Variants in LAMA2 observed in about 807,000 individuals in gnomAD.
LAMA2 encodes laminin subunit alpha 2, also known as laminin subunit alpha-2.
In LAMA2, 269 loss-of-function variants were observed where a neutral mutation model predicts 364.8. That is an observed-to-expected ratio of 0.74 (90% confidence interval 0.67 to 0.82). LAMA2 has a LOEUF of 0.82. Among genes scored for constraint, LAMA2 ranks in the 40% least tolerant of loss-of-function variants. The probability of loss-of-function intolerance (pLI) is 0.00; values close to 1 mark genes in which losing one functional copy is unlikely to be tolerated. For missense variants in LAMA2, 3,807 were observed against 3,873.2 expected (o/e 0.98, Z 0.45); for synonymous variants, 1,379 against 1,370.6 (o/e 1.01, Z -0.14).
At chr6:129,441,815 C>T (rs1782128859) in intron 43 of LAMA2, among the ~76,000 whole-genome samples, 1 of 152,026 alleles carries the variant, frequency 6.6e-6, no homozygotes, top group Admixed American at 6.6e-5. Flanking sequence ...CCCATCTTTA[C>T]AAAAAATTTA....
chr6:129,452,910 C>A lies in LAMA2; in HGVS notation c.6430-78C>A, dbSNP rs1447870133. On this transcript the variant is annotated intron_variant, in intron 45 of 64. Coordinates refer to ENST00000421865, the MANE Select transcript of LAMA2 (RefSeq NM_000426.4). ...AACTTCAAAGAAGAAACGATGATGG[C>A]TTTGTGGTTGTATGGAAGCTACTTC... 4.0e-5 allele frequency: 51 copies of A among 1,262,558 alleles called. 1 individual carries two copies. The East Asian group carries it at 1.1e-3, about 28-fold the overall frequency. The allele number at this position is 1,262,558 out of a possible 1,614,324, so 78.2% of individuals were successfully genotyped here. A position where few individuals can be genotyped will look rare whatever the true frequency, so the allele number is the denominator to read the frequency against.
intron 1 of LAMA2, among the ~76,000 whole-genome samples, chr6:129,019,171 T>C (rs1216198910): frequency 1.3e-5 from 2 of 152,114 alleles, no homozygotes; most frequent in East Asian, 1.9e-4. Flanking sequence ...AAATGGCTTC[T>C]TAAGAAATAT....
chr6:129,475,959 G>A (rs1432840294), intron 53 of LAMA2, among the ~76,000 whole-genome samples: 1 of 152,144 alleles, frequency 6.6e-6, no homozygotes, highest in Admixed American at 6.5e-5. Flanking sequence ...ACTAGCTATG[G>A]TGCCAGATGA....
intron 1 of LAMA2, among the ~76,000 whole-genome samples, chr6:129,040,719 G>A (rs760400514): frequency 6.6e-6 from 1 of 152,186 alleles, no homozygotes; most frequent in Non-Finnish European, 1.5e-5. Context: ...GGCAGAAGAA[G>A]GCTACTTGTC....
At chr6:129,187,969 C>G (rs890903216) in intron 10 of LAMA2, among the ~76,000 whole-genome samples, 5 of 151,872 alleles carry the variant, frequency 3.3e-5, no homozygotes, top group African/African-American at 1.2e-4. Context: ...GTCTCTCATT[C>G]TATCTATGTC....
At chr6:129,118,963 A>T (rs1776639442) in intron 4 of LAMA2, among the ~76,000 whole-genome samples, 1 of 152,226 alleles carries the variant, frequency 6.6e-6, no homozygotes, top group South Asian at 2.1e-4. Flanking sequence ...TGTAATATTT[A>T]AAAATGCCAA....
chr6:129,117,374 A>T (rs1394064909), intron 4 of LAMA2, among the ~76,000 whole-genome samples: 1 of 152,230 alleles, frequency 6.6e-6, no homozygotes, highest in South Asian at 2.1e-4. Context: ...AACTAAGATA[A>T]TATGATTTAA....
intron 49 of LAMA2, among the ~76,000 whole-genome samples, chr6:129,463,443 G>A (rs1783368834): frequency 6.6e-6 from 1 of 151,816 alleles, no homozygotes; most frequent in South Asian, 2.1e-4. Flanking sequence ...TGAACTGGGG[G>A]GATCTACAGC....
intron 1 of LAMA2, among the ~76,000 whole-genome samples, chr6:128,919,236 T>A (rs1345095152): frequency 6.6e-6 from 1 of 152,234 alleles, no homozygotes; most frequent in Non-Finnish European, 1.5e-5. Flanking sequence ...CCTCTTTGTA[T>A]GTATTTATGT....
chr6:129,101,831 C>T (rs1775537451), intron 4 of LAMA2, among the ~76,000 whole-genome samples: 1 of 152,174 alleles, frequency 6.6e-6, no homozygotes, highest in Admixed American at 6.5e-5. Context: ...GAAAACTGTT[C>T]AGTCATTACC....
intron 45 of LAMA2, among the ~76,000 whole-genome samples, chr6:129,451,974 T>A (rs568890408): frequency 1.3e-5 from 2 of 152,306 alleles, no homozygotes; most frequent in East Asian, 3.9e-4. Flanking sequence ...CACAAAATGC[T>A]AGAAGAAATG....
intron 1 of LAMA2, among the ~76,000 whole-genome samples, chr6:128,998,094 G>A (rs1322554937): frequency 2.0e-5 from 3 of 152,092 alleles, no homozygotes; most frequent in Non-Finnish European, 2.9e-5. Flanking sequence ...GGGAGTGGGT[G>A]CCTGATGCGG....
intron 12 of LAMA2, among the ~76,000 whole-genome samples, chr6:129,247,805 G>A (rs1785864427): frequency 6.6e-6 from 1 of 152,106 alleles, no homozygotes; most frequent in Non-Finnish European, 1.5e-5. Flanking sequence ...TACTATTATC[G>A]CTATTATTAT....
chr6:129,472,588 TGA>T lies in LAMA2; in HGVS notation c.7301-621_7301-620del, dbSNP rs1222453882. On this transcript the variant is annotated intron_variant, in intron 51 of 64. Coordinates refer to ENST00000421865, the MANE Select transcript of LAMA2 (RefSeq NM_000426.4). ...TATCTTCATCACATTAAAAATACCT[TGA>T]GAGACCCAAAAGAAAAGCAAGAAGG... Among the ~76,000 whole-genome samples, 5 of 152,010 alleles carry T rather than the reference TGA, an allele frequency of 3.3e-5. No homozygotes were observed. The East Asian group carries it at 9.7e-4, about 29-fold the overall frequency.
chr6:128,933,961 T>G (rs1779653670), intron 1 of LAMA2, among the ~76,000 whole-genome samples: 1 of 152,188 alleles, frequency 6.6e-6, no homozygotes, highest in South Asian at 2.1e-4. Context: ...ACTTCTTTGT[T>G]TTTGCTTTCA....
At chr6:129,362,489 A>C (rs1246311869) in intron 32 of LAMA2, among the ~76,000 whole-genome samples, 2 of 152,106 alleles carry the variant, frequency 1.3e-5, no homozygotes, top group Non-Finnish European at 2.9e-5. Context: ...ACTTGGGCAC[A>C]TGCCATGCTC....
At chr6:128,978,282 T>C (rs1782654160) in intron 1 of LAMA2, among the ~76,000 whole-genome samples, 1 of 152,156 alleles carries the variant, frequency 6.6e-6, no homozygotes, top group Non-Finnish European at 1.5e-5. Flanking sequence ...TAGTTATCCT[T>C]TCAGAAATTT....
chr6:128,949,464 A>G (rs951692124), intron 1 of LAMA2, among the ~76,000 whole-genome samples: 1 of 152,116 alleles, frequency 6.6e-6, no homozygotes, highest in African/African-American at 2.4e-5. Flanking sequence ...TTAAGGGGGA[A>G]AAAAAGAAAA....
chr6:129,256,726 T>C (rs1042029740), intron 14 of LAMA2, among the ~76,000 whole-genome samples: 1 of 144,608 alleles, frequency 6.9e-6, no homozygotes, highest in African/African-American at 2.5e-5. Flanking sequence ...TTAAAGAAAA[T>C]ATCTTGCTAT....
Sources: allele counts gnomAD v4.1 joint callset (sites outside exome capture counted in the v4.1 genomes callset), GRCh38; gene constraint gnomAD v4.1.1; transcripts MANE v1.5; gene names NCBI Gene and HGNC (gene_info 2026-07-23, HGNC 2026-07-21).